The following SPTBN5 variants were observed in gnomAD, a reference collection of about 807,000 sequenced individuals.
SPTBN5 encodes the protein spectrin beta, non-erythrocytic 5.
Under a neutral mutation model 477.6 loss-of-function variants are expected in SPTBN5, and 513 were observed. The ratio of observed to expected loss-of-function variants is 1.07; its 90% CI spans 1.00 to 1.16. SPTBN5 has a LOEUF of 1.16. Among genes scored for constraint, SPTBN5 ranks in the 50% most tolerant of loss-of-function variants. The probability of loss-of-function intolerance (pLI) is 0.00; values close to 1 mark genes in which losing one functional copy is unlikely to be tolerated. For missense variants in SPTBN5, 5,062 were observed against 4,731.8 expected (o/e 1.07, Z -2.05); for synonymous variants, 2,169 against 2,011.7 (o/e 1.08, Z -2.09).
chr15:41,863,612 AG>A (rs2066193509), intron 41 of SPTBN5, 91 bp downstream of exon 41: 2 of 984,900 alleles, frequency 2.0e-6, no homozygotes, highest in Non-Finnish European at 1.6e-6. Context: ...GAGGCCAGTG[AG>A]GGGGGAGACG....
chr15:41,884,682 C>T (rs1380475104), intron 7 of SPTBN5, among the ~76,000 whole-genome samples: 1 of 152,102 alleles, frequency 6.6e-6, no homozygotes, highest in Non-Finnish European at 1.5e-5. Flanking sequence ...CACTGATTTC[C>T]CATCATCTCT....
rs576277587 is a variant in SPTBN5 at position 41,879,277 on chromosome 15, G to A, written c.3165C>T (p.Leu1055=). The A allele has an allele frequency of 6.2e-6, 10 of 1,611,694 alleles. No homozygotes were observed. The African/African-American group carries it at 1.1e-4, about 17-fold the overall frequency. ...GGCCGTACTTTACGACCACACTTTG[G>A]AGGAAGTGGACCCTCCTCTCCAGCA... The part of the protein sequence containing the change: ...TLVLERRVHF[L]QSVVVKVEEP... The change falls in exon 16 of 68, where the codon CTC becomes CTT. Residue 1055 remains leucine (L), a synonymous_variant. Transcript: ENST00000320955.
At position 41,892,983 on chromosome 15, in the gene SPTBN5, C is replaced by T; in HGVS notation, c.295G>A (p.Gly99Arg). Residue 99 changes from glycine to arginine, a missense_variant, in exon 3 of 68, where the codon GGG (glycine) becomes AGG (arginine). Coordinates refer to ENST00000320955, the MANE Select transcript of SPTBN5 (RefSeq NM_016642.4). Reference sequence around the variant, plus strand: ...CGGCTCGGGGGTGGCAGGGCCTCCCCTGAGATGAGCTCCAGCAGCCGCAGG... The same window carrying T: ...CGGCTCGGGGGTGGCAGGGCCTCCCTTGAGATGAGCTCCAGCAGCCGCAGG... ...HLLRLLELIS[G>R]EALPPPSRGR... is the part of the protein sequence containing the mutation. 1 of 1,609,922 alleles carries T rather than the reference C, an allele frequency of 6.2e-7. No individual in the cohort carries two copies. Among genetic ancestry groups the T allele is most frequent in the Non-Finnish European group, 8.5e-7 (1 of 1,179,756 alleles).
At chr15:41,880,916 A>G (rs764507754) in intron 13 of SPTBN5, 118 bp downstream of exon 13, 3 of 892,770 alleles carry the variant, frequency 3.4e-6, no homozygotes, top group Non-Finnish European at 5.1e-6. Flanking sequence ...CTCAGCCATG[A>G]TAAAAGCTCC....
rs1013367271 is a variant in SPTBN5 at position 41,887,927 on chromosome 15, C to G, written c.659+1G>C. Reference sequence around the variant, plus strand: ...GCCTCCTGACAAGGGTGGGGTCACACCTGTGGGCATGGATGAGGGCATTGA... The same window carrying G: ...GCCTCCTGACAAGGGTGGGGTCACAGCTGTGGGCATGGATGAGGGCATTGA... On this transcript the variant is annotated splice_donor_variant, in intron 5 of 67. Coordinates refer to ENST00000320955, the MANE Select transcript of SPTBN5 (RefSeq NM_016642.4). LOFTEE classifies it high-confidence loss of function. The G allele has an allele frequency of 6.2e-7, 1 of 1,608,830 alleles. No individual in the cohort carries two copies. Among genetic ancestry groups the G allele is most frequent in the East Asian group, 2.2e-5 (1 of 44,776 alleles).
intron 11 of SPTBN5, 24 bp from the exon 12 acceptor site, chr15:41,882,169 T>C: frequency 6.5e-7 from 1 of 1,546,538 alleles, no homozygotes; most frequent in South Asian, 1.2e-5. Flanking sequence ...TCGGGGGTGG[T>C]GTGGGTGAAG....
chr15:41,881,789 G>A (rs1267998059), intron 12 of SPTBN5, 147 bp downstream of exon 12: 2 of 691,372 alleles, frequency 2.9e-6, no homozygotes, highest in Non-Finnish European at 4.5e-6. Context: ...ATGCCACTGA[G>A]GACTGGGGTG....
rs750328152 is a variant in SPTBN5 at position 41,872,401 on chromosome 15, G to A, written c.5066C>T (p.Ala1689Val). The A allele has an allele frequency of 6.2e-7, 1 of 1,601,942 alleles. No homozygotes were observed. Among genetic ancestry groups the A allele is most frequent in the South Asian group, 1.1e-5 (1 of 88,928 alleles). ...WSSMEELDQT[A>V]QTLTGPEVPE... ...GACTTCGGGGCCAGTGAGGGTTTGGGCCGTCTGGTCAAGCTCCTCCATGGA... is the reference window on the plus strand; with the variant it reads ...GACTTCGGGGCCAGTGAGGGTTTGGACCGTCTGGTCAAGCTCCTCCATGGA... Residue 1689 changes from alanine (A) to valine (V), a missense_variant, in exon 27 of 68, where the codon GCC (alanine) becomes GTC (valine). By Grantham distance (64) the Ala-to-Val change is moderately conservative (BLOSUM62 0). Transcript: ENST00000320955.
At chr15:41,885,680 G>T in intron 7 of SPTBN5, 55 bp downstream of exon 7, 2 of 1,512,512 alleles carry the variant, frequency 1.3e-6, no homozygotes, top group South Asian at 1.2e-5. Flanking sequence ...AAGGATGGGG[G>T]TGTGGTAGGA....
intron 12 of SPTBN5, 62 bp downstream of exon 12, chr15:41,881,874 T>C (rs1033730845): frequency 6.9e-7 from 1 of 1,447,776 alleles, no homozygotes; most frequent in African/African-American, 1.5e-5. Flanking sequence ...TTTTGTCCTC[T>C]GTGTGGCCCA....
At chr15:41,849,466 G>A (rs189943352) in intron 67 of SPTBN5, among the ~76,000 whole-genome samples, 4 of 152,184 alleles carry the variant, frequency 2.6e-5, no homozygotes, top group Admixed American at 6.5e-5. Context: ...AATGTGCTGT[G>A]CCTTGGAGAG....
At chr15:41,873,695 T>C (rs2066618261) in intron 25 of SPTBN5, 87 bp from the exon 26 acceptor site, 2 of 1,445,720 alleles carry the variant, frequency 1.4e-6, no homozygotes, top group Non-Finnish European at 1.9e-6. Flanking sequence ...CTCTCCAGCA[T>C]CAAAGGGGCT....
chr15:41,870,219 G>A (rs528117218), intron 31 of SPTBN5, 24 bp downstream of exon 31: 410 of 1,541,506 alleles, frequency 2.7e-4, no homozygotes, highest in Non-Finnish European at 3.2e-4. Flanking sequence ...GGCCTGGGTC[G>A]GAGAGGCAGC....
Position 41,852,618 on chromosome 15 carries a change from C to T in SPTBN5, c.10449+16G>A, listed in dbSNP as rs760186352. 1 of 1,612,580 alleles carries T rather than the reference C, an allele frequency of 6.2e-7. No individual in the cohort carries two copies. The highest frequency in any genetic ancestry group is 8.5e-7 in the Non-Finnish European group (1 of 1,179,152). ...TCCCCCACCAGCCCTCAGCCCCTAG[C>T]CGAGGCAGTCGTCACCTCTGTCTTT... is the stretch of plus-strand genomic sequence containing the variant. On this transcript the variant is annotated intron_variant, in intron 61 of 67. Coordinates refer to ENST00000320955, the MANE Select transcript of SPTBN5 (RefSeq NM_016642.4).
At chr15:41,856,035 G>T (rs1299940257) in intron 53 of SPTBN5, among the ~76,000 whole-genome samples, 1 of 152,264 alleles carries the variant, frequency 6.6e-6, no homozygotes, top group African/African-American at 2.4e-5. Flanking sequence ...AATATTCCTT[G>T]CAGTGTTTCT....
chr15:41,852,501 C>T (rs911384399), intron 61 of SPTBN5, 133 bp downstream of exon 61: 86 of 1,301,072 alleles, frequency 6.6e-5, no homozygotes, highest in Non-Finnish European at 8.5e-5. Context: ...CTCCCACCAC[C>T]GCAGCTGGCC....
intron 53 of SPTBN5, among the ~76,000 whole-genome samples, chr15:41,856,159 G>A (rs1289767266): frequency 2.0e-5 from 3 of 152,266 alleles, no homozygotes; most frequent in African/African-American, 7.2e-5. Flanking sequence ...TGATTCTCAT[G>A]TAAAGCCCTG....
intron 55 of SPTBN5, 105 bp from the exon 56 acceptor site, chr15:41,855,081 C>CTG: frequency 6.9e-7 from 1 of 1,444,414 alleles, no homozygotes; most frequent in South Asian, 1.4e-5. Flanking sequence ...TCCCTCAGCC[C>CTG]AGGTTCTGGA....
chr15:41,860,758 C>T lies in SPTBN5; in HGVS notation c.7816G>A (p.Asp2606Asn). ...EDSLASEGLW[D>N]PLAPMEPLLW... is the part of the protein sequence containing the mutation. ...AGGGGCTCCATGGGGGCCAAGGGGT[C>T]CTGGTGGGAGTGGGGAACCCAATAC... Residue 2606 changes from aspartate to asparagine, a missense_variant and splice_region_variant, in exon 47 of 68, where the codon GAC becomes AAC. By Grantham distance (23) the Asp-to-Asn change is conservative. Coordinates refer to ENST00000320955, the MANE Select transcript of SPTBN5 (RefSeq NM_016642.4). The T allele has an allele frequency of 6.3e-7, 1 of 1,578,422 alleles. No individual in the cohort carries two copies. Among genetic ancestry groups the T allele is most frequent in the Non-Finnish European group, 8.6e-7 (1 of 1,163,920 alleles).
Sources: gnomAD v4.1 joint callset for allele counts (sites outside exome capture counted in the v4.1 genomes callset) on GRCh38, gnomAD v4.1.1 for gene constraint, MANE v1.5 for transcripts, NCBI Gene and HGNC (gene_info 2026-07-23, HGNC 2026-07-21) for gene names.